Variants in VWA7 observed in about 807,000 individuals in gnomAD.
The protein encoded by VWA7 is von Willebrand factor A domain containing 7, also known as von Willebrand factor A domain-containing protein 7.
A neutral mutation model predicts 83.1 loss-of-function variants in VWA7; 66 were observed. That is an observed-to-expected ratio of 0.79 (90% CI 0.65 to 0.98). The LOEUF (loss-of-function observed/expected upper bound fraction) is 0.98, where lower values mean the gene tolerates loss of function less well. VWA7 is among the 50% of genes least tolerant of loss of function. The pLI is 0.00. For synonymous variants in VWA7, 424 were observed against 488.5 expected (o/e 0.87, Z 1.74); for missense variants, 1,080 against 1,160.2 (o/e 0.93, Z 1.00).
chr6:31,768,295 C>T (rs186492599), intron 10 of VWA7, among the ~76,000 whole-genome samples: 1 of 152,182 alleles, frequency 6.6e-6, no homozygotes, highest in Non-Finnish European at 1.5e-5. Flanking sequence ...CAGGATGAGA[C>T]AATCACATCT....
At position 31,766,132 on chromosome 6, in the gene VWA7, G is replaced by C; in HGVS notation, c.2325-75C>G. On this transcript the variant is annotated intron_variant, in intron 15 of 16. Transcript: ENST00000375688. The surrounding 1 kb of genome is among the most constrained non-coding windows in gnomAD (Gnocchi z 4.9). Reference sequence around the variant, plus strand: ...AGAGTCGGGACGCCTGCAGGGGCACGGGAGCGGAGAGGAGGATTCTGAGGG... The same window carrying C: ...AGAGTCGGGACGCCTGCAGGGGCACCGGAGCGGAGAGGAGGATTCTGAGGG... The C allele has an allele frequency of 6.3e-7, 1 of 1,596,200 alleles. No individual in the cohort carries two copies. Among genetic ancestry groups the C allele is most frequent in the Non-Finnish European group, 8.5e-7 (1 of 1,169,956 alleles).
Position 31,776,766 on chromosome 6 carries a change from T to C in VWA7, c.14A>G (p.Glu5Gly). 7.0e-7 allele frequency: 1 copy of C among 1,429,278 alleles called. No individual in the cohort carries two copies. Among genetic ancestry groups the C allele is most frequent in the Middle Eastern group, 2.3e-4 (1 of 4,264 alleles). The allele number at this position is 1,429,278 out of a possible 1,614,324, so 88.5% of individuals were successfully genotyped here. A position where few individuals can be genotyped will look rare whatever the true frequency, so the allele number is the denominator to read the frequency against. MLPT[E>G]VPQSHPGPSA... ...GGGGCCCGGGTGGGATTGGGGGACC[T>C]CCGTGGGGAGCATGGCTGAGACATG... Residue 5 changes from glutamate (E) to glycine (G), a missense_variant, in exon 2 of 17, where the codon GAG becomes GGG. Physicochemically the swap from Glu to Gly is moderately conservative, Grantham distance 98. Coordinates refer to ENST00000375688, the MANE Select transcript of VWA7 (RefSeq NM_025258.3). The surrounding 1 kb of genome is among the most constrained non-coding windows in gnomAD (Gnocchi z 6.2).
At position 31,769,160 on chromosome 6, in the gene VWA7, C is replaced by T. The variant is rs760103923; in HGVS notation, c.1361G>A (p.Arg454Gln). Residue 454 changes from arginine (R) to glutamine (Q), a missense_variant, in exon 10 of 17, where the codon CGA (arginine) becomes CAA (glutamine). Arg to Gln is a conservative substitution (Grantham distance 43). Transcript: ENST00000375688. This position sits in a 1 kb window ranked among gnomAD's most constrained non-coding sequence, Gnocchi z 4.5. ...VTEDTSRVQGRARREILSPLR... is the reference protein window; with the variant it reads ...VTEDTSRVQGQARREILSPLR... ...AGGGGACAAGATCTCACGCCGAGCT[C>T]GACCCTGAACCCTTGATGTATCTTC... 8.7e-5 allele frequency: 140 copies of T among 1,612,958 alleles called. No homozygotes were observed. The highest frequency in any genetic ancestry group is 1.2e-4 in the Non-Finnish European group (137 of 1,180,040).
chr6:31,775,455 A>C lies in VWA7; in HGVS notation c.514-26T>G. On this transcript the variant is annotated intron_variant, in intron 3 of 16. Transcript: ENST00000375688. This position sits in a 1 kb window ranked among gnomAD's most constrained non-coding sequence, Gnocchi z 5.9. Reference sequence around the variant, plus strand: ...CTGGTCCGGAGGACAGGAGAAGGGGAGTGAGGCACTAGTCTGGCCTTTCTC... The same window carrying C: ...CTGGTCCGGAGGACAGGAGAAGGGGCGTGAGGCACTAGTCTGGCCTTTCTC... The C allele has an allele frequency of 6.3e-7, 1 of 1,599,876 alleles. No homozygotes were observed. Among genetic ancestry groups the C allele is most frequent in the Non-Finnish European group, 8.5e-7 (1 of 1,171,228 alleles).
chr6:31,773,503 C>CCTGAAAGGG lies in VWA7; in HGVS notation c.722-67_722-66insCCCTTTCAG. ...CCCACTGCCTCCTAAGAAAATGAGG[C>CCTGAAAGGG]CCTTTCAGGCCTGGCCTGACCCTCT... On this transcript the variant is annotated intron_variant, in intron 5 of 16. Transcript: ENST00000375688. This position sits in a 1 kb window ranked among gnomAD's most constrained non-coding sequence, Gnocchi z 5.3. 2 of 1,435,370 alleles carry CCTGAAAGGG rather than the reference C, an allele frequency of 1.4e-6. No homozygotes were observed. Among genetic ancestry groups the CCTGAAAGGG allele is most frequent in the Non-Finnish European group, 1.9e-6 (2 of 1,076,384 alleles). The allele number at this position is 1,435,370 out of a possible 1,614,324, so 88.9% of individuals were successfully genotyped here. A position where few individuals can be genotyped will look rare whatever the true frequency, so the allele number is the denominator to read the frequency against.
chr6:31,774,581 C>A lies in VWA7; in HGVS notation c.656G>T (p.Arg219Met), dbSNP rs775696558. Reference protein sequence around the residue: ...CSDCEELSCPRNWLGFTLLTS... With the variant: ...CSDCEELSCPMNWLGFTLLTS... ...GAGGAGTGTGAAGCCCAGCCAATTC[C>A]TGGGGCAGCTCAACTCCTCGCAATC... Residue 219 changes from arginine to methionine, a missense_variant, in exon 5 of 17, where the codon AGG becomes ATG. Transcript: ENST00000375688. 7.4e-6 allele frequency: 12 copies of A among 1,612,856 alleles called. No individual in the cohort carries two copies. The South Asian group carries it at 1.3e-4, about 18-fold the overall frequency.
chr6:31,769,585 T>C lies in VWA7; in HGVS notation c.1317+90A>G, dbSNP rs1303995084. 4.1e-6 allele frequency: 5 copies of C among 1,220,270 alleles called. No individual in the cohort carries two copies. In the Admixed American group the frequency reaches 8.6e-5, roughly 21 times the overall value. The allele number at this position is 1,220,270 out of a possible 1,614,324, so 75.6% of individuals were successfully genotyped here. On this transcript the variant is annotated intron_variant, in intron 9 of 16. Transcript: ENST00000375688. This position sits in a 1 kb window ranked among gnomAD's most constrained non-coding sequence, Gnocchi z 4.5. ...ACCAAGGCTTGTTGGGCCACCATAG[T>C]GTGGTGCAACCCTCGTTATGAGATT...
intron 7 of VWA7, 151 bp from the exon 8 acceptor site, chr6:31,770,264 G>C: frequency 1.5e-6 from 1 of 658,560 alleles, no homozygotes; most frequent in Non-Finnish European, 2.6e-6. Context: ...ATACTTGGCC[G>C]GGTGCGGTGG....
Position 31,770,017 on chromosome 6 carries a change from C to A in VWA7, c.1184G>T (p.Cys395Phe). 6.2e-7 allele frequency: 1 copy of A among 1,612,888 alleles called. No homozygotes were observed. Among genetic ancestry groups the A allele is most frequent in the Non-Finnish European group, 8.5e-7 (1 of 1,179,966 alleles). The change falls in exon 8 of 17, where the codon TGC becomes TTC. Residue 395 changes from cysteine to phenylalanine, a missense_variant. Coordinates refer to ENST00000375688, the MANE Select transcript of VWA7 (RefSeq NM_025258.3). ...GGGCCAGACCTGCAGGGCTGACAGG[C>A]ACATCTCAGGCTCGTCTCCACCCCC... is the stretch of plus-strand genomic sequence containing the variant. ...ALGGGDEPEM[C>F]LSALQLALLH... is the part of the protein sequence containing the mutation.
In VWA7 at chr6:31,775,421, G is replaced by A. The variant is rs749924440; in HGVS notation, c.522C>T (p.Tyr174=). 1.2e-6 allele frequency: 2 copies of A among 1,611,840 alleles called. No individual in the cohort carries two copies. Among genetic ancestry groups the A allele is most frequent in the South Asian group, 1.1e-5 (1 of 90,956 alleles). Residue 174 remains tyrosine, a synonymous_variant, in exon 4 of 17, where the codon TAC becomes TAT. Coordinates refer to ENST00000375688, the MANE Select transcript of VWA7 (RefSeq NM_025258.3). This position sits in a 1 kb window ranked among gnomAD's most constrained non-coding sequence, Gnocchi z 5.9. ...GAALHALQDF[Y]SHSNWVELGE... ...CCAGCTCCACCCAGTTGCTATGACT[G>A]TAGAAATCCTGGTCCGGAGGACAGG...
Position 31,769,882 on chromosome 6 carries a change from C to G in VWA7, c.1201-91G>C. 4.7e-6 allele frequency: 7 copies of G among 1,491,022 alleles called. No individual in the cohort carries two copies. Among genetic ancestry groups the G allele is most frequent in the South Asian group, 1.1e-5 (1 of 87,770 alleles). The allele number at this position is 1,491,022 out of a possible 1,614,324, so 92.4% of individuals were successfully genotyped here. A position where few individuals can be genotyped will look rare whatever the true frequency, so the allele number is the denominator to read the frequency against. ...GGATGAAGCAGAAGGGAATATGGCC[C>G]GGGAACCCTACAGTGAAGCTAGTGG... is the stretch of plus-strand genomic sequence containing the variant. On this transcript the variant is annotated intron_variant, in intron 8 of 16. Coordinates refer to ENST00000375688, the MANE Select transcript of VWA7 (RefSeq NM_025258.3). The surrounding 1 kb of genome is among the most constrained non-coding windows in gnomAD (Gnocchi z 4.5).
rs1812525454 is a variant in VWA7, at chr6:31,774,693, A to G, written c.611-67T>C. On this transcript the variant is annotated intron_variant, in intron 4 of 16. Transcript: ENST00000375688. ...CCCCAGCCTTTATCCCCACCCACCC[A>G]AACCTTTTCAGCTTCTCCTCCCAGC... The G allele has an allele frequency of 6.7e-6, 9 of 1,347,604 alleles. No homozygotes were observed. The African/African-American group carries it at 7.3e-5, about 11-fold the overall frequency. 83.5% of individuals were successfully genotyped at this position (1,347,604 alleles called of 1,614,324 possible). A position where few individuals can be genotyped will look rare whatever the true frequency, so the allele number is the denominator to read the frequency against.
chr6:31,774,667 C>A, intron 4 of VWA7, 41 bp from the exon 5 acceptor site: 1 of 1,547,192 alleles, frequency 6.5e-7, no homozygotes, highest in South Asian at 1.1e-5. Flanking sequence ...GATTCTGCCA[C>A]CCCCAGCCTT....
intron 7 of VWA7, among the ~76,000 whole-genome samples, chr6:31,772,009 A>AAG (rs1812227636): frequency 6.6e-6 from 1 of 151,570 alleles, no homozygotes; most frequent in Admixed American, 6.6e-5. Flanking sequence ...AAAAAAAAAA[A>AAG]AAAAAAAGAA....
rs1410571009 is a variant in VWA7, at chr6:31,773,017, C to G, written c.1024G>C (p.Glu342Gln). The G allele has an allele frequency of 1.9e-6, 3 of 1,587,174 alleles. No homozygotes were observed. The highest frequency in any genetic ancestry group is 2.2e-5 in the South Asian group (2 of 90,606). ...TCCATGGGGCTGCCTCTCCGCTGCT[C>G]CACAAGGTGGCGAGCCTGGATTTTG... ...AAKIQARHLVEQRRGSPMEPV... is the reference protein window; with the variant it reads ...AAKIQARHLVQQRRGSPMEPV... Residue 342 changes from glutamate (E) to glutamine (Q), a missense_variant, in exon 7 of 17, where the codon GAG (glutamate) becomes CAG (glutamine). Glu to Gln is a conservative substitution (Grantham distance 29, BLOSUM62 2). Transcript: ENST00000375688. This position sits in a 1 kb window ranked among gnomAD's most constrained non-coding sequence, Gnocchi z 5.3.
Position 31,775,364 on chromosome 6 carries a change from C to T in VWA7, c.579G>A (p.Trp193Ter), listed in dbSNP as rs1429252121. 1 of 1,612,646 alleles carries T rather than the reference C, an allele frequency of 6.2e-7. No homozygotes were observed. Among genetic ancestry groups the T allele is most frequent in the Non-Finnish European group, 8.5e-7 (1 of 1,179,822 alleles). Reference sequence around the variant, plus strand: ...CCAGGTTCTGGAGCTCCTGCCTTGGCCAGAGGAGGTGAGGGTGTGGCTGCT... The same window carrying T: ...CCAGGTTCTGGAGCTCCTGCCTTGGTCAGAGGAGGTGAGGGTGTGGCTGCT... ...GEQQPHPHLL[W>*]PRQELQNLAQ... Residue 193 changes from tryptophan to a stop codon, truncating the protein, a stop_gained, in exon 4 of 17, where the codon TGG becomes TGA. Coordinates refer to ENST00000375688, the MANE Select transcript of VWA7 (RefSeq NM_025258.3). LOFTEE classifies it high-confidence loss of function. The surrounding 1 kb of genome is among the most constrained non-coding windows in gnomAD (Gnocchi z 5.9).
Position 31,765,747 on chromosome 6 carries a change from G to A in VWA7, c.2523C>T (p.Gly841=), listed in dbSNP as rs141110068. ...APQDRHTTPT[G]SSDPILTTAT... ...CCGTGGTGAGGATCGGGTCAGATGAGCCGGTAGGGGTGGTGTGCCGGTCCT... is the reference window on the plus strand; with the variant it reads ...CCGTGGTGAGGATCGGGTCAGATGAACCGGTAGGGGTGGTGTGCCGGTCCT... Residue 841 remains glycine (G), a synonymous_variant, in exon 17 of 17, where the codon GGC becomes GGT. Transcript: ENST00000375688. The A allele has an allele frequency of 1.9e-6, 3 of 1,588,630 alleles. No homozygotes were observed. Among genetic ancestry groups the A allele is most frequent in the Non-Finnish European group, 2.6e-6 (3 of 1,167,124 alleles).
intron 7 of VWA7, among the ~76,000 whole-genome samples, chr6:31,772,324 A>AT (rs1317223326): frequency 6.6e-6 from 1 of 151,306 alleles, no homozygotes; most frequent in African/African-American, 2.4e-5. Context: ...ATTTTTATTA[A>AT]TTTTTTTGTA....
rs1461043132 is a variant in VWA7, at chr6:31,769,579, C to A, written c.1317+96G>T. 1.7e-6 allele frequency: 2 copies of A among 1,171,236 alleles called. No homozygotes were observed. The highest frequency in any genetic ancestry group is 2.5e-6 in the Non-Finnish European group (2 of 792,412). 72.6% of individuals were successfully genotyped at this position (1,171,236 alleles called of 1,614,324 possible). On this transcript the variant is annotated intron_variant, in intron 9 of 16. Coordinates refer to ENST00000375688, the MANE Select transcript of VWA7 (RefSeq NM_025258.3). The surrounding 1 kb of genome is among the most constrained non-coding windows in gnomAD (Gnocchi z 4.5). The stretch of plus-strand genomic sequence containing the variant: ...CCATATACCAAGGCTTGTTGGGCCA[C>A]CATAGTGTGGTGCAACCCTCGTTAT...
Sources: allele counts gnomAD v4.1 joint callset (sites outside exome capture counted in the v4.1 genomes callset), GRCh38; gene constraint gnomAD v4.1.1; non-coding constraint Gnocchi (gnomAD v3.1); transcripts MANE v1.5; gene names NCBI Gene and HGNC (gene_info 2026-07-23, HGNC 2026-07-21).